The following AFF4 variants were observed in gnomAD, a reference collection of about 807,000 sequenced individuals.
The protein encoded by AFF4 is ALF transcription elongation factor 4, also known as AF4/FMR2 family member 4.
Under a neutral mutation model 124.8 loss-of-function variants are expected in AFF4, and 13 were observed. That is an observed-to-expected ratio of 0.10 (90% confidence interval 0.07 to 0.17). The LOEUF is 0.17. Ranked by LOEUF, AFF4 falls within the 10% of genes least tolerant of loss-of-function variation. AFF4 has a pLI of 1.00. For synonymous variants in AFF4, 477 were observed against 496.1 expected, an observed-to-expected ratio of 0.96 and a Z score of 0.51; for missense variants, 1,092 against 1,403.8, an observed-to-expected ratio of 0.78 and a Z score of 3.55.
At position 132,898,412 on chromosome 5, in the gene AFF4, C is replaced by A; in HGVS notation, c.1227-20G>T. The A allele has an allele frequency of 6.2e-7, 1 of 1,604,256 alleles. No homozygotes were observed. Among genetic ancestry groups the A allele is most frequent in the Non-Finnish European group, 8.5e-7 (1 of 1,175,912 alleles). Reference sequence around the variant, plus strand: ...GAGTTACTAAAAGAGATGAAATATACAAATGTCCAAAGTTTATTTTACATT... The same window carrying A: ...GAGTTACTAAAAGAGATGAAATATAAAAATGTCCAAAGTTTATTTTACATT... On this transcript the variant is annotated intron_variant, in intron 9 of 20. Transcript: ENST00000265343.
In AFF4 at chr5:132,904,416, G is replaced by T; in HGVS notation, c.1051-12C>A. On this transcript the variant is annotated splice_polypyrimidine_tract_variant and intron_variant, in intron 5 of 20. Transcript: ENST00000265343. ...GACTGCTGAGACTCCTAAGAAAAAG[G>T]AACATAAAATTATACAAAGTTACAC... The T allele has an allele frequency of 6.2e-7, 1 of 1,602,314 alleles. No homozygotes were observed. Among genetic ancestry groups the T allele is most frequent in the South Asian group, 1.1e-5 (1 of 89,572 alleles).
At chr5:132,892,500 T>G in intron 12 of AFF4, 96 bp from the exon 13 acceptor site, 1 of 1,484,290 alleles carries the variant, frequency 6.7e-7, no homozygotes, top group Admixed American at 2.3e-5. Flanking sequence ...GACAAATCTG[T>G]TTTTCCCCAT....
intron 19 of AFF4, among the ~76,000 whole-genome samples, chr5:132,883,824 G>T (rs1760047256): frequency 6.6e-6 from 1 of 152,120 alleles, no homozygotes; most frequent in South Asian, 2.1e-4. Context: ...CATGTACCTT[G>T]TTACAGTTCA....
chr5:132,958,465 C>CAAAAAAAAAAAAAAAAA (rs34337170), intron 1 of AFF4, among the ~76,000 whole-genome samples: 1 of 55,710 alleles, frequency 1.8e-5, no homozygotes, highest in Admixed American at 2.7e-4. Context: ...GACCCTGTCT[C>CAAAAAAAAAAAAAAAAA]AAAAAAAAAA....
chr5:132,949,698 A>G (rs867223100), intron 1 of AFF4, among the ~76,000 whole-genome samples: 29 of 142,122 alleles, frequency 2.0e-4, no homozygotes, highest in African/African-American at 6.6e-4. Context: ...ACACACACAC[A>G]CACGCGCGCG....
intron 11 of AFF4, among the ~76,000 whole-genome samples, chr5:132,894,093 G>A (rs1261224367): frequency 6.6e-6 from 1 of 152,138 alleles, no homozygotes; most frequent in Non-Finnish European, 1.5e-5. Context: ...GGCCATTTGG[G>A]TTGTCTCCAC....
At chr5:132,895,128 C>A (rs542719289) in intron 11 of AFF4, among the ~76,000 whole-genome samples, 1 of 152,080 alleles carries the variant, frequency 6.6e-6, no homozygotes, top group Non-Finnish European at 1.5e-5. Flanking sequence ...CCAAGTCCAG[C>A]GATCTGAGGC....
chr5:132,886,451 G>C, intron 17 of AFF4, 48 bp from the exon 18 acceptor site: 4 of 1,555,798 alleles, frequency 2.6e-6, no homozygotes, highest in Non-Finnish European at 3.5e-6. Context: ...GCAAACTCTG[G>C]CCAGATTTGC....
chr5:132,912,883 A>ACACACG lies in AFF4; in HGVS notation c.1051-8480_1051-8479insCGTGTG, dbSNP rs398038054. Among the ~76,000 whole-genome samples the ACACACG allele has an allele frequency of 1.3e-5, 2 of 151,370 alleles. 1 individual carries two copies. ...CACACACACACACACACACACACAC[A>ACACACG]AAAGGGCTGATGAGACAGAGAAATC... On this transcript the variant is annotated intron_variant, in intron 5 of 20. Transcript: ENST00000265343.
At chr5:132,931,088 C>T (rs1351208739) in intron 4 of AFF4, among the ~76,000 whole-genome samples, 1 of 135,228 alleles carries the variant, frequency 7.4e-6, no homozygotes, top group East Asian at 2.1e-4. Flanking sequence ...ACCTGGGTGA[C>T]AGAGTAAAAC....
intron 1 of AFF4, among the ~76,000 whole-genome samples, chr5:132,954,579 G>A (rs558253022): frequency 0.017 from 2,249 of 135,628 alleles, 34 homozygotes; most frequent in Admixed American, 0.022. Flanking sequence ...ACGGAGTCTC[G>A]CTCTGTCGCC....
chr5:132,886,452 C>A (rs955654877), intron 17 of AFF4, 49 bp from the exon 18 acceptor site: 1 of 1,555,296 alleles, frequency 6.4e-7, no homozygotes, highest in Non-Finnish European at 8.8e-7. Context: ...CAAACTCTGG[C>A]CAGATTTGCA....
chr5:132,920,436 A>G (rs1314103047), intron 5 of AFF4, among the ~76,000 whole-genome samples: 3 of 150,152 alleles, frequency 2.0e-5, no homozygotes, highest in African/African-American at 7.4e-5. Flanking sequence ...GACTCACTGC[A>G]GCCTCAACCT....
In AFF4 at chr5:132,892,148, G is replaced by A; in HGVS notation, c.2637+16C>T. On this transcript the variant is annotated intron_variant, in intron 13 of 20. Coordinates refer to ENST00000265343, the MANE Select transcript of AFF4 (RefSeq NM_014423.4). ...GTTGAATGATTTTCAAAAGCCCCAG[G>A]CCCCCAACACTTTACCTTAACCTCC... 1 of 1,614,082 alleles carries A rather than the reference G, an allele frequency of 6.2e-7. No individual in the cohort carries two copies. The highest frequency in any genetic ancestry group is 8.5e-7 in the Non-Finnish European group (1 of 1,180,012).
At chr5:132,955,920 C>T (rs1455136489) in intron 1 of AFF4, among the ~76,000 whole-genome samples, 4 of 144,810 alleles carry the variant, frequency 2.8e-5, no homozygotes, top group African/African-American at 1.0e-4. Flanking sequence ...ATATACTATA[C>T]TTACTATATT....
chr5:132,895,656 CCA>C (rs1174486042), intron 11 of AFF4, among the ~76,000 whole-genome samples: 3 of 152,138 alleles, frequency 2.0e-5, no homozygotes, highest in Non-Finnish European at 4.4e-5. Context: ...GCTGTTTTTC[CCA>C]CAGTCTCTAT....
At chr5:132,960,199 A>C (rs891208399) in intron 1 of AFF4, among the ~76,000 whole-genome samples, 4 of 152,226 alleles carry the variant, frequency 2.6e-5, no homozygotes, top group Admixed American at 6.6e-5. Flanking sequence ...GAATTGTTCC[A>C]ACTTATCAGA....
In AFF4 at chr5:132,889,238, T is replaced by C. The variant is rs1039555959; in HGVS notation, c.2638-65A>G. On this transcript the variant is annotated intron_variant, in intron 13 of 20. Transcript: ENST00000265343. Reference sequence around the variant, plus strand: ...GAGATTAAAAATGAAACTAATAGCATTTCTTCAGCCACTGGTAAAAAGGAA... The same window carrying C: ...GAGATTAAAAATGAAACTAATAGCACTTCTTCAGCCACTGGTAAAAAGGAA... 1.1e-5 allele frequency: 13 copies of C among 1,152,164 alleles called. No individual in the cohort carries two copies. In the African/African-American group the frequency reaches 1.7e-4, roughly 15 times the overall value. The allele number at this position is 1,152,164 out of a possible 1,614,324, so 71.4% of individuals were successfully genotyped here.
chr5:132,945,247 T>C (rs1382991374), intron 1 of AFF4: 1 of 152,236 alleles, frequency 6.6e-6, no homozygotes, highest in African/African-American at 2.4e-5. Context: ...CAGTTTTAAA[T>C]TACTAGTTTT....
Sources: allele counts gnomAD v4.1 joint callset (sites outside exome capture counted in the v4.1 genomes callset), GRCh38; gene constraint gnomAD v4.1.1; transcripts MANE v1.5; gene names NCBI Gene and HGNC (gene_info 2026-07-23, HGNC 2026-07-21).